The following SYDE1 variants were observed in gnomAD, a reference collection of about 807,000 sequenced individuals.
SYDE1 encodes rho GTPase-activating protein SYDE1.
In SYDE1, 34 loss-of-function variants were observed where a neutral mutation model predicts 63.3. The observed-to-expected ratio is 0.54, with a 90% CI of 0.41 to 0.71. The LOEUF is 0.71. Among genes scored for constraint, SYDE1 ranks in the 30% least tolerant of loss-of-function variants. SYDE1 has a pLI of 0.00. For synonymous variants in SYDE1, 467 were observed against 473.4 expected (o/e 0.99, Z 0.18); for missense variants, 925 against 1,042.5 (o/e 0.89, Z 1.55).
rs2046324449 is a variant in SYDE1, at chr19:15,109,148, C to T, written c.181C>T (p.Pro61Ser). Reference protein sequence around the residue: ...SQAGAEGPSSPEASRSPARGA... With the variant: ...SQAGAEGPSSSEASRSPARGA... The stretch of plus-strand genomic sequence containing the variant: ...GGCCGGAGCAGAGGGGCCCTCCAGC[C>T]CCGAGGCATCAAGGAGCCCTGCACG... The change falls in exon 2 of 8, where the codon CCC (proline) becomes TCC (serine). Residue 61 changes from proline (P) to serine (S), a missense_variant. Coordinates refer to ENST00000342784, the MANE Select transcript of SYDE1 (RefSeq NM_033025.6). This position sits in a 1 kb window ranked among gnomAD's most constrained non-coding sequence, Gnocchi z 5.0. 6.4e-7 allele frequency: 1 copy of T among 1,551,742 alleles called. No homozygotes were observed. The highest frequency in any genetic ancestry group is 1.4e-5 in the African/African-American group (1 of 73,248).
At position 15,114,661 on chromosome 19, in the gene SYDE1, C is replaced by A. The variant is rs1599328052; in HGVS notation, c.*698C>A. On this transcript the variant is annotated 3_prime_UTR_variant, in exon 8 of 8. Coordinates refer to ENST00000342784, the MANE Select transcript of SYDE1 (RefSeq NM_033025.6). ...CCCGAAAAAAATTGAGCACTTAAAC[C>A]CCTCCCTTTTGGAGGGGGCCCCCTG... 2 of 131,036 alleles carry A rather than the reference C, an allele frequency of 1.5e-5. No individual in the cohort carries two copies. The highest frequency in any genetic ancestry group is 5.4e-5 in the African/African-American group (2 of 36,746). 8.1% of individuals were successfully genotyped at this position (131,036 alleles called of 1,614,324 possible).
chr19:15,110,983 C>A lies in SYDE1; in HGVS notation c.1290+248C>A, dbSNP rs10424885. Among the ~76,000 whole-genome samples the A allele has an allele frequency of 0.052, 7,915 of 152,210 alleles. 601 individuals are homozygous for A. Among genetic ancestry groups the A allele is most frequent in the African/African-American group, 0.17 (7,130 of 41,492 alleles). Reference sequence around the variant, plus strand: ...TCAGAGTCTGATGGGGGAAAAGATACGACTCTAGTCATTCACAAATGTAAA... The same window carrying A: ...TCAGAGTCTGATGGGGGAAAAGATAAGACTCTAGTCATTCACAAATGTAAA... On this transcript the variant is annotated intron_variant, in intron 4 of 7. Transcript: ENST00000342784. The surrounding 1 kb of genome is among the most constrained non-coding windows in gnomAD (Gnocchi z 6.9).
At position 15,113,979 on chromosome 19, in the gene SYDE1, G is replaced by A; in HGVS notation, c.*16G>A. The stretch of plus-strand genomic sequence containing the variant: ...GTGCCTCTGAGCCAGATGACGGGGT[G>A]GGACCCCGGTTAGTAAGGACCGGGC... On this transcript the variant is annotated 3_prime_UTR_variant, in exon 8 of 8. Coordinates refer to ENST00000342784, the MANE Select transcript of SYDE1 (RefSeq NM_033025.6). The A allele has an allele frequency of 6.2e-7, 1 of 1,603,126 alleles. No individual in the cohort carries two copies. Among genetic ancestry groups the A allele is most frequent in the African/African-American group, 1.3e-5 (1 of 74,858 alleles).
In SYDE1 at chr19:15,110,098, C is replaced by T. The variant is rs2046334013; in HGVS notation, c.825C>T (p.Leu275=). 4 of 1,427,384 alleles carry T rather than the reference C, an allele frequency of 2.8e-6. No homozygotes were observed. The highest frequency in any genetic ancestry group is 3.6e-6 in the Non-Finnish European group (4 of 1,098,642). The allele number at this position is 1,427,384 out of a possible 1,614,324, so 88.4% of individuals were successfully genotyped here. The change falls in exon 3 of 8, where the codon CTC becomes CTT. Residue 275 remains leucine, a synonymous_variant. Coordinates refer to ENST00000342784, the MANE Select transcript of SYDE1 (RefSeq NM_033025.6). The surrounding 1 kb of genome is among the most constrained non-coding windows in gnomAD (Gnocchi z 6.9). The part of the protein sequence containing the change: ...WGRLSLHLYG[L]GGLRPAPGAT... The stretch of plus-strand genomic sequence containing the variant: ...GCCTCAGCCTGCACCTGTACGGTCT[C>T]GGGGGGCTGCGGCCAGCGCCGGGGG...
rs373312048 is a variant in SYDE1, at chr19:15,112,257, T to A, written c.1579-89T>A. ...CCCAGCTATGAGACTGTGAACCTGC[T>A]TCCCTACTCTAGCCACCTTAGTCTC... On this transcript the variant is annotated intron_variant, in intron 6 of 7. Transcript: ENST00000342784. 383 of 814,548 alleles carry A rather than the reference T, an allele frequency of 4.7e-4. 1 individual carries two copies. The African/African-American group carries it at 5.0e-3, about 11-fold the overall frequency. 50.5% of individuals were successfully genotyped at this position (814,548 alleles called of 1,614,324 possible).
rs1333209306 is a variant in SYDE1 at position 15,108,080 on chromosome 19, G to A, written c.88+559G>A. 6.6e-6 allele frequency among the ~76,000 whole-genome samples: 1 copy of A among 152,164 alleles called. No homozygotes were observed. The highest frequency in any genetic ancestry group is 1.5e-5 in the Non-Finnish European group (1 of 68,022). On this transcript the variant is annotated intron_variant, in intron 1 of 7. Transcript: ENST00000342784. This position sits in a 1 kb window ranked among gnomAD's most constrained non-coding sequence, Gnocchi z 4.3. Reference sequence around the variant, plus strand: ...GGAAACTGAGGCACGGAGCAATTGGGTCATGTGCCCAGGGCCATCGACTTA... The same window carrying A: ...GGAAACTGAGGCACGGAGCAATTGGATCATGTGCCCAGGGCCATCGACTTA...
rs1298564992 is a variant in SYDE1 at position 15,114,048 on chromosome 19, A to C, written c.*85A>C. On this transcript the variant is annotated 3_prime_UTR_variant, in exon 8 of 8. Coordinates refer to ENST00000342784, the MANE Select transcript of SYDE1 (RefSeq NM_033025.6). Reference sequence around the variant, plus strand: ...TGCCCTGGTGACCAAGGAGAGCCAGACCTGTTGCTCAGGCCGAGCTCCTGG... The same window carrying C: ...TGCCCTGGTGACCAAGGAGAGCCAGCCCTGTTGCTCAGGCCGAGCTCCTGG... The C allele has an allele frequency of 5.0e-6, 7 of 1,402,450 alleles. No homozygotes were observed. Among genetic ancestry groups the C allele is most frequent in the Non-Finnish European group, 4.9e-6 (5 of 1,029,194 alleles). The allele number at this position is 1,402,450 out of a possible 1,614,324, so 86.9% of individuals were successfully genotyped here. A position where few individuals can be genotyped will look rare whatever the true frequency, so the allele number is the denominator to read the frequency against.
In SYDE1 at chr19:15,113,783, C is replaced by T. The variant is rs747802280; in HGVS notation, c.2028C>T (p.Asp676=). The change falls in exon 8 of 8, where the codon GAC becomes GAT. Residue 676 remains aspartate (D), a synonymous_variant. Transcript: ENST00000342784. ...ATTTCCTGTCCGGGCCAGACTACGA[C>T]CACGTGACGGGCAGTGACAGCGAGG... The part of the protein sequence containing the change: ...GRDFLSGPDY[D]HVTGSDSEDE... 6 of 1,614,174 alleles carry T rather than the reference C, an allele frequency of 3.7e-6. No homozygotes were observed. The South Asian group carries it at 6.6e-5, about 18-fold the overall frequency.
At chr19:15,107,655 T>C (rs1395400899) in intron 1 of SYDE1, 134 bp downstream of exon 1, 1 of 269,640 alleles carries the variant, frequency 3.7e-6, no homozygotes, top group Non-Finnish European at 7.7e-6. Context: ...CTGGGGTGCC[T>C]CCAGCCAGGG....
In SYDE1 at chr19:15,110,408, C is replaced by G. The variant is rs996612641; in HGVS notation, c.1075+60C>G. The G allele has an allele frequency of 3.6e-5, 53 of 1,453,028 alleles. No individual in the cohort carries two copies. The highest frequency in any genetic ancestry group is 3.6e-4 in the Middle Eastern group (2 of 5,522). 90.0% of individuals were successfully genotyped at this position (1,453,028 alleles called of 1,614,324 possible). A position where few individuals can be genotyped will look rare whatever the true frequency, so the allele number is the denominator to read the frequency against. On this transcript the variant is annotated intron_variant, in intron 3 of 7. Coordinates refer to ENST00000342784, the MANE Select transcript of SYDE1 (RefSeq NM_033025.6). This position sits in a 1 kb window ranked among gnomAD's most constrained non-coding sequence, Gnocchi z 6.9. ...GACCCCCAAACCCCACCGCCACCCC[C>G]CGCAGAGTGCCTAGGGGGCTGGGCT...
In SYDE1 at chr19:15,110,465, G is replaced by A. The variant is rs1255356871; in HGVS notation, c.1076-56G>A. On this transcript the variant is annotated intron_variant, in intron 3 of 7. Coordinates refer to ENST00000342784, the MANE Select transcript of SYDE1 (RefSeq NM_033025.6). The surrounding 1 kb of genome is among the most constrained non-coding windows in gnomAD (Gnocchi z 6.9). Reference sequence around the variant, plus strand: ...GGAAGGTGTGGCCTGGAGCAGCGAGGCCAGGGTACATGAAGCTTCAGAGCA... The same window carrying A: ...GGAAGGTGTGGCCTGGAGCAGCGAGACCAGGGTACATGAAGCTTCAGAGCA... 7.9e-6 allele frequency: 12 copies of A among 1,515,176 alleles called. No individual in the cohort carries two copies. Among genetic ancestry groups the A allele is most frequent in the Non-Finnish European group, 9.8e-6 (11 of 1,127,872 alleles). 93.9% of individuals were successfully genotyped at this position (1,515,176 alleles called of 1,614,324 possible).
Position 15,109,813 on chromosome 19 carries a change from G to A in SYDE1, c.540G>A (p.Leu180=). 5 of 1,534,864 alleles carry A rather than the reference G, an allele frequency of 3.3e-6. No individual in the cohort carries two copies. The highest frequency in any genetic ancestry group is 4.4e-6 in the Non-Finnish European group (5 of 1,145,330). Residue 180 remains leucine, a synonymous_variant, in exon 3 of 8, where the codon CTG becomes CTA. Transcript: ENST00000342784. This position sits in a 1 kb window ranked among gnomAD's most constrained non-coding sequence, Gnocchi z 5.0. ...AGCTGCCGGAACTGCGGCGCCGCCT[G>A]AGCCTGCGAGGCCCCCGGGCTGGCA... ...MKKLPELRRR[L]SLRGPRAGRE... is the part of the protein sequence containing the mutation.
In SYDE1 at chr19:15,109,492, A is replaced by G; in HGVS notation, c.430+95A>G. On this transcript the variant is annotated intron_variant, in intron 2 of 7. Coordinates refer to ENST00000342784, the MANE Select transcript of SYDE1 (RefSeq NM_033025.6). This position sits in a 1 kb window ranked among gnomAD's most constrained non-coding sequence, Gnocchi z 5.0. ...CACCAGCCTCACACTCCCTCCTCCCAGAGGAGCACCAACCTCACACTCCTT... is the reference window on the plus strand; with the variant it reads ...CACCAGCCTCACACTCCCTCCTCCCGGAGGAGCACCAACCTCACACTCCTT... The G allele has an allele frequency of 2.9e-6, 4 of 1,360,746 alleles. No homozygotes were observed. Among genetic ancestry groups the G allele is most frequent in the Non-Finnish European group, 3.9e-6 (4 of 1,019,544 alleles). 84.3% of individuals were successfully genotyped at this position (1,360,746 alleles called of 1,614,324 possible).
chr19:15,110,981 T>C lies in SYDE1; in HGVS notation c.1290+246T>C, dbSNP rs554932932. Among the ~76,000 whole-genome samples the C allele has an allele frequency of 2.0e-5, 3 of 152,222 alleles. No individual in the cohort carries two copies. The East Asian group carries it at 5.8e-4, about 30-fold the overall frequency. ...GCTCAGAGTCTGATGGGGGAAAAGA[T>C]ACGACTCTAGTCATTCACAAATGTA... is the stretch of plus-strand genomic sequence containing the variant. On this transcript the variant is annotated intron_variant, in intron 4 of 7. Transcript: ENST00000342784. This position sits in a 1 kb window ranked among gnomAD's most constrained non-coding sequence, Gnocchi z 6.9.
Position 15,111,887 on chromosome 19 carries a change from GGCA to G in SYDE1, c.1578+99_1578+101del. On this transcript the variant is annotated intron_variant, in intron 6 of 7. Transcript: ENST00000342784. This position sits in a 1 kb window ranked among gnomAD's most constrained non-coding sequence, Gnocchi z 5.5. ...CCTGGGCCTGAGATGGGCATGAGCT[GGCA>G]GCATCATCATATCCCCAAGAAATAG... The G allele has an allele frequency of 8.0e-7, 1 of 1,248,926 alleles. No individual in the cohort carries two copies. The highest frequency in any genetic ancestry group is 1.1e-6 in the Non-Finnish European group (1 of 911,024). The allele number at this position is 1,248,926 out of a possible 1,614,324, so 77.4% of individuals were successfully genotyped here.
At chr19:15,113,429 T>G (rs1812654629) in intron 7 of SYDE1, 131 bp from the exon 8 acceptor site, 1 of 1,095,970 alleles carries the variant, frequency 9.1e-7, no homozygotes, top group East Asian at 2.4e-5. Context: ...CAACCAGTCC[T>G]AGCTCTGCCA....
Position 15,109,627 on chromosome 19 carries a change from C to A in SYDE1, c.431-77C>A. Reference sequence around the variant, plus strand: ...GGGGAACACCAGCCTCACACTCCTTCCCTTCAGGGGAGCACCAGCCTCACC... The same window carrying A: ...GGGGAACACCAGCCTCACACTCCTTACCTTCAGGGGAGCACCAGCCTCACC... On this transcript the variant is annotated intron_variant, in intron 2 of 7. Transcript: ENST00000342784. The surrounding 1 kb of genome is among the most constrained non-coding windows in gnomAD (Gnocchi z 5.0). 1 of 966,142 alleles carries A rather than the reference C, an allele frequency of 1.0e-6. No individual in the cohort carries two copies. The highest frequency in any genetic ancestry group is 1.5e-6 in the Non-Finnish European group (1 of 669,968). The allele number at this position is 966,142 out of a possible 1,614,324, so 59.8% of individuals were successfully genotyped here.
chr19:15,110,759 C>T lies in SYDE1; in HGVS notation c.1290+24C>T. On this transcript the variant is annotated intron_variant, in intron 4 of 7. Coordinates refer to ENST00000342784, the MANE Select transcript of SYDE1 (RefSeq NM_033025.6). This position sits in a 1 kb window ranked among gnomAD's most constrained non-coding sequence, Gnocchi z 6.9. ...GGGTGAGCACCCACCCCACCCCAAC[C>T]CTCTGGCCCCCAGACCTCAGACCAC... is the stretch of plus-strand genomic sequence containing the variant. 2 of 1,510,240 alleles carry T rather than the reference C, an allele frequency of 1.3e-6. No homozygotes were observed. Among genetic ancestry groups the T allele is most frequent in the Non-Finnish European group, 1.8e-6 (2 of 1,126,534 alleles). The allele number at this position is 1,510,240 out of a possible 1,614,324, so 93.6% of individuals were successfully genotyped here. A position where few individuals can be genotyped will look rare whatever the true frequency, so the allele number is the denominator to read the frequency against.
Position 15,109,731 on chromosome 19 carries a change from A to C in SYDE1, c.458A>C (p.Lys153Thr), listed in dbSNP as rs768993815. 17 of 1,523,516 alleles carry C rather than the reference A, an allele frequency of 1.1e-5. No individual in the cohort carries two copies. Among genetic ancestry groups the C allele is most frequent in the Non-Finnish European group, 1.5e-5 (17 of 1,135,142 alleles). 94.4% of individuals were successfully genotyped at this position (1,523,516 alleles called of 1,614,324 possible). The change falls in exon 3 of 8, where the codon AAA becomes ACA. Residue 153 changes from lysine to threonine, a missense_variant. This residue lies in a region of SYDE1 where 599 missense variants were observed against 653.7 expected (regional missense o/e 0.92). Transcript: ENST00000342784. The surrounding 1 kb of genome is among the most constrained non-coding windows in gnomAD (Gnocchi z 5.0). Reference protein sequence around the residue: ...QGAAPASPPTKASRTKSPGPA... With the variant: ...QGAAPASPPTTASRTKSPGPA... Reference sequence around the variant, plus strand: ...GCAGCCCCCGCCAGCCCCCCAACCAAAGCCTCCCGCACCAAGTCCCCGGGC... The same window carrying C: ...GCAGCCCCCGCCAGCCCCCCAACCACAGCCTCCCGCACCAAGTCCCCGGGC...
Sources: gnomAD v4.1 joint callset for allele counts (sites outside exome capture counted in the v4.1 genomes callset) on GRCh38, gnomAD v4.1.1 for gene constraint, gnomAD v4.1.1 regional missense constraint, Gnocchi (gnomAD v3.1) non-coding constraint, MANE v1.5 for transcripts, NCBI Gene and HGNC (gene_info 2026-07-23, HGNC 2026-07-21) for gene names.